The following AACS variants were observed in gnomAD, a reference collection of about 807,000 sequenced individuals.
The protein encoded by AACS is acetoacetate-CoA ligase.
AACS carries 69 observed loss-of-function variants against 83.1 expected under a neutral mutation model. The ratio of observed to expected loss-of-function variants is 0.83; its 90% CI spans 0.68 to 1.01. The LOEUF is 1.01. Ranked by LOEUF, AACS falls within the 50% of genes least tolerant of loss-of-function variation. The probability of loss-of-function intolerance (pLI) is 0.00; values close to 1 mark genes in which losing one functional copy is unlikely to be tolerated. For synonymous variants in AACS, 333 were observed against 343.4 expected (o/e 0.97, Z 0.33); for missense variants, 866 against 882.2 (o/e 0.98, Z 0.23).
chr12:125,072,589 G>A (rs1285420180), intron 1 of AACS, among the ~76,000 whole-genome samples: 1 of 152,202 alleles, frequency 6.6e-6, no homozygotes, highest in Non-Finnish European at 1.5e-5. Context: ...TGAAACAGAA[G>A]CACTGTATGG....
chr12:125,108,658 G>GTTATT (rs1222679904), intron 8 of AACS, among the ~76,000 whole-genome samples: 4 of 151,912 alleles, frequency 2.6e-5, no homozygotes, highest in South Asian at 2.1e-4. Flanking sequence ...CTTTTAACCT[G>GTTATT]TTATTTTATT....
intron 3 of AACS, among the ~76,000 whole-genome samples, chr12:125,084,165 T>TA (rs1412806326): frequency 2.6e-5 from 4 of 151,666 alleles, no homozygotes; most frequent in Non-Finnish European, 5.9e-5. Context: ...CCATCTCTAC[T>TA]AAAAATACAA....
chr12:125,121,527 G>A (rs1320766950), intron 10 of AACS: 2 of 152,184 alleles, frequency 1.3e-5, no homozygotes, highest in East Asian at 1.9e-4. Flanking sequence ...TGACACATTC[G>A]ATCAAAGAGC....
intron 3 of AACS, among the ~76,000 whole-genome samples, chr12:125,085,414 C>A (rs573761207): frequency 1.4e-5 from 2 of 140,350 alleles, no homozygotes; most frequent in African/African-American, 5.3e-5. Flanking sequence ...ACACGTGCAC[C>A]TTGCATCCAC....
At chr12:125,139,554 G>A (rs1357197845) in intron 17 of AACS, 1 of 152,354 alleles carries the variant, frequency 6.6e-6, no homozygotes, top group South Asian at 2.1e-4. Flanking sequence ...CGCAGTCCCC[G>A]TGCCTCTGTT....
intron 6 of AACS, 28 bp from the exon 7 acceptor site, chr12:125,102,972 T>C: frequency 6.3e-7 from 1 of 1,588,638 alleles, no homozygotes; most frequent in Non-Finnish European, 8.6e-7. Flanking sequence ...TCCTGTAACC[T>C]TGTGTTTTCT....
In AACS at chr12:125,097,129, C is replaced by T. The variant is rs746201481; in HGVS notation, c.571-5550C>T. 3.3e-5 allele frequency among the ~76,000 whole-genome samples: 5 copies of T among 152,038 alleles called. No individual in the cohort carries two copies. The highest frequency in any genetic ancestry group is 7.4e-5 in the Non-Finnish European group (5 of 67,996). ...CCTGCGGAGTAAATGCTGGTGGGAC[C>T]GGGGTGCCACCTGCCTGCAGACTCG... On this transcript the variant is annotated intron_variant, in intron 5 of 17. Transcript: ENST00000316519. This position sits in a 1 kb window ranked among gnomAD's most constrained non-coding sequence, Gnocchi z 4.3.
chr12:125,078,434 G>A, intron 3 of AACS: 1 of 415,180 alleles, frequency 2.4e-6, no homozygotes, highest in Non-Finnish European at 4.9e-6. Flanking sequence ...AGAGTAGATA[G>A]GTGGTCTGGG....
Position 125,129,587 on chromosome 12 carries a change from A to G in AACS, c.1549+127A>G. 8.0e-7 allele frequency: 1 copy of G among 1,250,238 alleles called. No individual in the cohort carries two copies. Among genetic ancestry groups the G allele is most frequent in the Non-Finnish European group, 1.1e-6 (1 of 908,492 alleles). The allele number at this position is 1,250,238 out of a possible 1,614,324, so 77.4% of individuals were successfully genotyped here. ...ACCAGGGCTTGGAGAAGCTGCTTATAGTTCATTCCGCCAGTGGGGGGATAA... is the reference window on the plus strand; with the variant it reads ...ACCAGGGCTTGGAGAAGCTGCTTATGGTTCATTCCGCCAGTGGGGGGATAA... On this transcript the variant is annotated intron_variant, in intron 14 of 17. Transcript: ENST00000316519. This position sits in a 1 kb window ranked among gnomAD's most constrained non-coding sequence, Gnocchi z 4.3.
intron 8 of AACS, among the ~76,000 whole-genome samples, chr12:125,114,107 T>C (rs546186522): frequency 1.8e-4 from 26 of 145,428 alleles, no homozygotes; most frequent in Admixed American, 2.7e-4. Flanking sequence ...CCTGGAAGGG[T>C]TAGGCCCTGG....
intron 1 of AACS, among the ~76,000 whole-genome samples, chr12:125,072,914 CTTTTGTTTTTTTTT>C (rs1431769254): frequency 8.9e-6 from 1 of 112,200 alleles, no homozygotes. Context: ...TACCATGTAA[CTTTTGTTTTTTTTT>C]TTTTTTTTTT....
intron 17 of AACS, 45 bp from the exon 18 acceptor site, chr12:125,142,047 C>A (rs1435285156): frequency 6.2e-7 from 1 of 1,609,878 alleles, no homozygotes; most frequent in Non-Finnish European, 8.5e-7. Flanking sequence ...GGATTTTCCC[C>A]CCTTCAGGTT....
At chr12:125,083,333 A>T (rs6488988) in intron 3 of AACS, among the ~76,000 whole-genome samples, 116,294 of 152,084 alleles carry the variant, frequency 0.76, 44,657 homozygotes, top group South Asian at 0.84. Context: ...AACTGCAGTG[A>T]CTCTTATGAC....
chr12:125,067,735 T>C (rs1354117724), intron 1 of AACS, among the ~76,000 whole-genome samples: 3 of 152,080 alleles, frequency 2.0e-5, no homozygotes, highest in African/African-American at 4.8e-5. Context: ...GGTTTCACCA[T>C]GTAGGCCAGG....
intron 5 of AACS, among the ~76,000 whole-genome samples, chr12:125,099,794 G>C (rs1432671952): frequency 6.6e-6 from 1 of 152,162 alleles, no homozygotes; most frequent in African/African-American, 2.4e-5. Flanking sequence ...TCCTGCCTCA[G>C]CCTCCCAAGT....
chr12:125,137,017 C>T (rs1957411541), intron 17 of AACS, among the ~76,000 whole-genome samples, 153 bp downstream of exon 17: 1 of 152,186 alleles, frequency 6.6e-6, no homozygotes, highest in South Asian at 2.1e-4. Flanking sequence ...CATCCTTTTT[C>T]CTACCCTTCC....
chr12:125,078,469 G>A (rs927288744), intron 3 of AACS: 7 of 382,218 alleles, frequency 1.8e-5, no homozygotes, highest in African/African-American at 4.2e-5. Flanking sequence ...TGGCTCTCCC[G>A]TGCCCTTTGC....
intron 3 of AACS, among the ~76,000 whole-genome samples, chr12:125,081,423 A>G (rs1014954733): frequency 6.6e-6 from 1 of 152,218 alleles, no homozygotes; most frequent in South Asian, 2.1e-4. Context: ...GCAGCCGATT[A>G]TTGGCTCGGG....
Position 125,091,504 on chromosome 12 carries a change from C to T in AACS, c.551C>T (p.Ser184Phe). ...ATTGGTGCCATCTGGAGCTCCACGT[C>T]CCCGGACTTCGGTGTGAATGTGAGT... ...ASIGAIWSST[S>F]PDFGVNGVLD... The change falls in exon 5 of 18, where the codon TCC becomes TTC. Residue 184 changes from serine (S) to phenylalanine (F), a missense_variant. Ser to Phe is a radical substitution (Grantham distance 155, BLOSUM62 -2). Transcript: ENST00000316519. 1 of 1,614,220 alleles carries T rather than the reference C, an allele frequency of 6.2e-7. No individual in the cohort carries two copies. Among genetic ancestry groups the T allele is most frequent in the Non-Finnish European group, 8.5e-7 (1 of 1,180,048 alleles).
Sources: gnomAD v4.1 joint callset for allele counts (sites outside exome capture counted in the v4.1 genomes callset) on GRCh38, gnomAD v4.1.1 for gene constraint, Gnocchi (gnomAD v3.1) non-coding constraint, MANE v1.5 for transcripts, NCBI Gene and HGNC (gene_info 2026-07-23, HGNC 2026-07-21) for gene names.